DACH2: variants seen among roughly 807,000 people sequenced by gnomAD.
The protein encoded by DACH2 is dachshund homolog 2.
DACH2 carries 17 observed loss-of-function variants against 35.8 expected under a neutral mutation model. The ratio of observed to expected loss-of-function variants is 0.48; its 90% CI spans 0.33 to 0.71. The LOEUF (loss-of-function observed/expected upper bound fraction) is 0.71. Among genes scored for constraint, DACH2 ranks in the 30% least tolerant of loss-of-function variants. DACH2 has a pLI of 0.02. For missense variants in DACH2, 469 were observed against 472.7 expected, an observed-to-expected ratio of 0.99 and a Z score of 0.07; for synonymous variants, 195 against 177.3, an observed-to-expected ratio of 1.10 and a Z score of -0.79.
chrX:86,196,976 G>T (rs181910650), intron 1 of DACH2, among the ~76,000 whole-genome samples: 1 of 110,578 alleles, frequency 9.0e-6, no homozygotes, highest in East Asian at 2.9e-4. Context: ...CTCCAAGGTC[G>T]AAATGAAAGA....
At chrX:86,619,920 T>C (rs1028551591) in intron 3 of DACH2, among the ~76,000 whole-genome samples, 1 of 112,163 alleles carries the variant, frequency 8.9e-6, no homozygotes, top group Non-Finnish European at 1.9e-5. Flanking sequence ...ACAATGCAGT[T>C]GTTAGGTAGA....
At chrX:86,393,118 G>T (rs2036228530) in intron 2 of DACH2, among the ~76,000 whole-genome samples, 1 of 110,964 alleles carries the variant, frequency 9.0e-6, no homozygotes, top group African/African-American at 3.3e-5. Context: ...TCTAACCCCT[G>T]CCCACCTTGT....
chrX:86,658,447 G>A (rs1252641380), intron 4 of DACH2, among the ~76,000 whole-genome samples: 2 of 111,398 alleles, frequency 1.8e-5, no homozygotes, highest in Admixed American at 1.9e-4. Context: ...TGCAAGAACC[G>A]AATTTTCTCT....
chrX:86,308,353 G>C (rs940629124), intron 1 of DACH2, among the ~76,000 whole-genome samples: 1 of 112,560 alleles, frequency 8.9e-6, no homozygotes, highest in African/African-American at 3.2e-5. Context: ...GACTGTCAAA[G>C]GCAAGGTGGG....
chrX:86,186,561 C>T (rs966545257), intron 1 of DACH2, among the ~76,000 whole-genome samples: 1 of 111,402 alleles, frequency 9.0e-6, no homozygotes, highest in Non-Finnish European at 1.9e-5. Context: ...TAACAATCCT[C>T]TAAAAAATAA....
intron 2 of DACH2, among the ~76,000 whole-genome samples, chrX:86,497,011 C>A (rs748680845): frequency 8.9e-6 from 1 of 111,810 alleles, no homozygotes. Context: ...GGACAGAGGG[C>A]AGAACATTTA....
chrX:86,717,971 T>C (rs1231803154), intron 6 of DACH2, among the ~76,000 whole-genome samples: 1 of 109,169 alleles, frequency 9.2e-6, no homozygotes, highest in African/African-American at 3.3e-5. Context: ...AATAAACATA[T>C]GAGTACAGAT....
intron 4 of DACH2, 73 bp downstream of exon 4, chrX:86,651,240 G>C: frequency 9.6e-7 from 1 of 1,041,636 alleles, no homozygotes; most frequent in Non-Finnish European, 1.3e-6. Context: ...GGTGGGATGA[G>C]GATGGAGGAG....
At position 86,282,771 on chromosome X, in the gene DACH2, C is replaced by CTTTTTTTT. The variant is rs1569328374; in HGVS notation, c.489-94051_489-94050insTTTTTTTT. On this transcript the variant is annotated intron_variant, in intron 1 of 11. Transcript: ENST00000373125. The stretch of plus-strand genomic sequence containing the variant: ...ATTGGGCAAATGCTATGAACAGACA[C>CTTTTTTTT]TTCTTTTTTTTTTTTTTTTTTTTTG... 2.6e-4 allele frequency among the ~76,000 whole-genome samples: 11 copies of CTTTTTTTT among 42,241 alleles called. 1 individual carries two copies. In the African/African-American group the frequency reaches 3.1e-3, roughly 12 times the overall value. The allele number at this position is 42,241 out of a possible 115,157, so 36.7% of individuals were successfully genotyped here. A position where few individuals can be genotyped will look rare whatever the true frequency, so the allele number is the denominator to read the frequency against.
intron 2 of DACH2, among the ~76,000 whole-genome samples, chrX:86,499,511 G>T (rs898015697): frequency 9.0e-6 from 1 of 111,518 alleles, no homozygotes; most frequent in African/African-American, 3.3e-5. Context: ...TAGAGAGATG[G>T]TATTCAGAAG....
chrX:86,167,693 G>T, intron 1 of DACH2, among the ~76,000 whole-genome samples: 1 of 110,611 alleles, frequency 9.0e-6, no homozygotes, highest in Non-Finnish European at 1.9e-5. Context: ...CTATAAACTT[G>T]CCTCTTATTA....
rs201309617 is a variant in DACH2 at position 86,610,363 on chromosome X, CTCTTTCTTTCTTTCTT to C, written c.641-40631_641-40616del. Reference sequence around the variant, plus strand: ...TTCTTTCTCCTTCCTTCCTTCCTTCCTCTTTCTTTCTTTCTTTCTTTCTTTCTTTCTTTCTTTCTTT... The same window carrying C: ...TTCTTTCTCCTTCCTTCCTTCCTTCCTCTTTCTTTCTTTCTTTCTTTCTTT... On this transcript the variant is annotated intron_variant, in intron 3 of 11. Coordinates refer to ENST00000373125, the MANE Select transcript of DACH2 (RefSeq NM_053281.3). 6.6e-3 allele frequency among the ~76,000 whole-genome samples: 464 copies of C among 70,069 alleles called. 2 individuals carry two copies. The highest frequency in any genetic ancestry group is 9.6e-3 in the Non-Finnish European group (364 of 37,867). The allele number at this position is 70,069 out of a possible 115,157, so 60.8% of individuals were successfully genotyped here.
intron 6 of DACH2, among the ~76,000 whole-genome samples, chrX:86,728,505 A>T (rs2041496340): frequency 8.9e-6 from 1 of 112,961 alleles, no homozygotes; most frequent in Admixed American, 9.3e-5. Context: ...TATCTAAAAG[A>T]AAGCTAAGTG....
intron 4 of DACH2, among the ~76,000 whole-genome samples, chrX:86,654,289 G>C (rs893700712): frequency 6.5e-5 from 7 of 108,296 alleles, no homozygotes; most frequent in African/African-American, 2.4e-4. Context: ...AATGTGATAG[G>C]TAAATTGGCA....
chrX:86,630,543 A>G (rs2040188776), intron 3 of DACH2, among the ~76,000 whole-genome samples: 1 of 110,859 alleles, frequency 9.0e-6, no homozygotes, highest in Non-Finnish European at 1.9e-5. Context: ...CTCCATTTTT[A>G]AATAGATGCT....
At chrX:86,489,732 G>A (rs1030250599) in intron 2 of DACH2, among the ~76,000 whole-genome samples, 1 of 111,270 alleles carries the variant, frequency 9.0e-6, no homozygotes, top group African/African-American at 3.3e-5. Flanking sequence ...TTTTCTAACC[G>A]AATTTTTTTA....
intron 1 of DACH2, among the ~76,000 whole-genome samples, chrX:86,324,565 TG>T (rs1373395425): frequency 1.1e-5 from 1 of 93,807 alleles, no homozygotes; most frequent in Non-Finnish European, 2.0e-5. Flanking sequence ...GCAAACTCAC[TG>T]TTGTCTTTTT....
intron 3 of DACH2, among the ~76,000 whole-genome samples, chrX:86,627,331 G>T (rs184531619): frequency 2.7e-5 from 3 of 111,376 alleles, no homozygotes; most frequent in Non-Finnish European, 5.7e-5. Flanking sequence ...ATCTGAGACC[G>T]CCTTAGCCTA....
At chrX:86,600,662 G>T (rs745669731) in intron 3 of DACH2, among the ~76,000 whole-genome samples, 1 of 111,957 alleles carries the variant, frequency 8.9e-6, no homozygotes, top group African/African-American at 3.2e-5. Context: ...ATTAACATCA[G>T]ATCCCTGTGT....
Sources: gnomAD v4.1 joint callset for allele counts (sites outside exome capture counted in the v4.1 genomes callset) on GRCh38, gnomAD v4.1.1 for gene constraint, MANE v1.5 for transcripts, NCBI Gene and HGNC (gene_info 2026-07-23, HGNC 2026-07-21) for gene names.